SGCZ: variants seen among roughly 807,000 people sequenced by gnomAD.
SGCZ encodes the protein zeta-sarcoglycan.
In SGCZ, 40 loss-of-function variants were observed where a neutral mutation model predicts 41.3. The ratio of observed to expected loss-of-function variants is 0.97; its 90% CI spans 0.75 to 1.26. SGCZ has a LOEUF of 1.26. Among genes scored for constraint, SGCZ ranks in the 50% most tolerant of loss-of-function variants. SGCZ has a pLI of 0.00. For missense variants in SGCZ, 552 were observed against 369.8 expected, an observed-to-expected ratio of 1.49 and a Z score of -4.04; for synonymous variants, 206 against 137.5, an observed-to-expected ratio of 1.50 and a Z score of -3.49.
intron 2 of SGCZ, among the ~76,000 whole-genome samples, chr8:14,516,955 T>A (rs1430131186): frequency 1.3e-5 from 2 of 151,962 alleles, no homozygotes; most frequent in South Asian, 2.1e-4. Flanking sequence ...TTAATTGCTA[T>A]TAAAATTTAA....
At chr8:15,036,772 T>C (rs542489887) in intron 1 of SGCZ, among the ~76,000 whole-genome samples, 120 of 152,002 alleles carry the variant, frequency 7.9e-4, no homozygotes, top group African/African-American at 2.8e-3. Flanking sequence ...TAGGACAATA[T>C]CTAGAAAAGG....
At chr8:14,415,916 TTAATA>T (rs1368774399) in intron 2 of SGCZ, among the ~76,000 whole-genome samples, 7 of 151,968 alleles carry the variant, frequency 4.6e-5, no homozygotes, top group Non-Finnish European at 1.0e-4. Context: ...CTGACCTCCT[TTAATA>T]TAAGAAAACC....
chr8:15,125,791 C>T (rs1400048832), intron 1 of SGCZ, among the ~76,000 whole-genome samples: 5 of 152,092 alleles, frequency 3.3e-5, no homozygotes, highest in African/African-American at 1.2e-4. Flanking sequence ...CAATGATTAC[C>T]TTTAACTTCC....
At chr8:14,433,319 G>C (rs1799998778) in intron 2 of SGCZ, among the ~76,000 whole-genome samples, 1 of 152,146 alleles carries the variant, frequency 6.6e-6, no homozygotes. Context: ...GTGATTAAGT[G>C]TCCACTCTGT....
intron 2 of SGCZ, among the ~76,000 whole-genome samples, chr8:14,539,638 C>T (rs1803399437): frequency 6.6e-6 from 1 of 151,740 alleles, no homozygotes. Context: ...GATTATTTTA[C>T]CCTCCAGGTA....
intron 1 of SGCZ, among the ~76,000 whole-genome samples, chr8:14,826,705 T>G (rs976402284): frequency 1.3e-5 from 2 of 152,218 alleles, no homozygotes; most frequent in Non-Finnish European, 2.9e-5. Flanking sequence ...CATTTTTTCA[T>G]GTGTCTTTTG....
rs541656437 is a variant in SGCZ at position 14,185,677 on chromosome 8, T to G, written c.425-20975A>C. ...ACCCATTGTTTTGTTTTGTTGTGTT[T>G]TGTTTTGTTTTGTTTTGGTCTATAT... On this transcript the variant is annotated intron_variant, in intron 4 of 7. Transcript: ENST00000382080. Among the ~76,000 whole-genome samples the G allele has an allele frequency of 1.5e-3, 228 of 152,186 alleles. 1 individual carries two copies. In the Middle Eastern group the frequency reaches 0.017, roughly 11 times the overall value.
intron 5 of SGCZ, chr8:14,162,531 A>G (rs1212961924): frequency 6.6e-6 from 1 of 152,258 alleles, no homozygotes; most frequent in East Asian, 1.9e-4. Context: ...TCTGTGTTCT[A>G]TGACAAACAG....
At chr8:14,526,739 C>G (rs1802961481) in intron 2 of SGCZ, among the ~76,000 whole-genome samples, 1 of 152,056 alleles carries the variant, frequency 6.6e-6, no homozygotes, top group Non-Finnish European at 1.5e-5. Context: ...CACATCAACT[C>G]CTAGTGTGCG....
chr8:14,597,526 T>C (rs1805451966), intron 1 of SGCZ, among the ~76,000 whole-genome samples: 1 of 152,212 alleles, frequency 6.6e-6, no homozygotes, highest in South Asian at 2.1e-4. Flanking sequence ...TGGAGTGCAG[T>C]GGCAGGATCT....
At chr8:14,764,137 C>T (rs775231587) in intron 1 of SGCZ, among the ~76,000 whole-genome samples, 1 of 152,064 alleles carries the variant, frequency 6.6e-6, no homozygotes, top group Non-Finnish European at 1.5e-5. Context: ...GACAAAGGAG[C>T]CACTTCAAAG....
intron 2 of SGCZ, among the ~76,000 whole-genome samples, chr8:14,512,180 A>C (rs2117077858): frequency 6.6e-6 from 1 of 152,286 alleles, no homozygotes; most frequent in African/African-American, 2.4e-5. Flanking sequence ...AATCTGAGTA[A>C]GTTGGATGCT....
intron 3 of SGCZ, among the ~76,000 whole-genome samples, chr8:14,298,834 C>T (rs73531307): frequency 2.6e-5 from 4 of 151,778 alleles, no homozygotes; most frequent in Non-Finnish European, 5.9e-5. Flanking sequence ...TGTGATTCTG[C>T]AGAAATCAAC....
chr8:14,276,956 A>C lies in SGCZ; in HGVS notation c.337-39277T>G, dbSNP rs538206887. ...GAGAATATTTAAACCCCCACAAATT[A>C]TGTAACGGGGCCTTTTGGCCCCTAT... is the stretch of plus-strand genomic sequence containing the variant. On this transcript the variant is annotated intron_variant, in intron 3 of 7. Coordinates refer to ENST00000382080, the MANE Select transcript of SGCZ (RefSeq NM_139167.4). 3.9e-5 allele frequency among the ~76,000 whole-genome samples: 6 copies of C among 152,284 alleles called. No homozygotes were observed. The East Asian group carries it at 7.7e-4, about 20-fold the overall frequency.
chr8:14,739,889 C>G (rs1370264443), intron 1 of SGCZ, among the ~76,000 whole-genome samples: 3 of 152,012 alleles, frequency 2.0e-5, no homozygotes, highest in African/African-American at 4.8e-5. Flanking sequence ...TTCACTACAG[C>G]AAAACCTTTC....
At position 14,327,746 on chromosome 8, in the gene SGCZ, G is replaced by A. The variant is rs903427236; in HGVS notation, c.235-3542C>T. On this transcript the variant is annotated intron_variant, in intron 2 of 7. Transcript: ENST00000382080. ...ATACCATCACATTTCATTTAAATTA[G>A]ATAAAACAGAATTCCCCTCTGTAAA... Among the ~76,000 whole-genome samples, 8 of 152,076 alleles carry A rather than the reference G, an allele frequency of 5.3e-5. 1 individual carries two copies. The highest frequency in any genetic ancestry group is 3.9e-4 in the Admixed American group (6 of 15,258).
intron 1 of SGCZ, among the ~76,000 whole-genome samples, chr8:14,956,228 T>TG (rs1800788253): frequency 2.0e-5 from 3 of 151,816 alleles, no homozygotes; most frequent in African/African-American, 7.3e-5. Flanking sequence ...TTAGTAGAGA[T>TG]GGAGTTTCAC....
chr8:15,215,261 T>A (rs1193731295), intron 1 of SGCZ, among the ~76,000 whole-genome samples: 1 of 152,142 alleles, frequency 6.6e-6, no homozygotes, highest in African/African-American at 2.4e-5. Flanking sequence ...ACTTTATGAA[T>A]ATTTCACTTT....
chr8:15,093,401 G>A (rs1806222269), intron 1 of SGCZ, among the ~76,000 whole-genome samples: 1 of 152,142 alleles, frequency 6.6e-6, no homozygotes, highest in Non-Finnish European at 1.5e-5. Flanking sequence ...CGTCCACCAT[G>A]AGAGTTGTGT....
Sources: allele counts gnomAD v4.1 joint callset (sites outside exome capture counted in the v4.1 genomes callset), GRCh38; gene constraint gnomAD v4.1.1; transcripts MANE v1.5; gene names NCBI Gene and HGNC (gene_info 2026-07-23, HGNC 2026-07-21).